The following TEP1 variants were observed in gnomAD, a reference collection of about 807,000 sequenced individuals.
TEP1 encodes telomerase protein component 1.
TEP1 carries 241 observed loss-of-function variants against 306.3 expected under a neutral mutation model. The ratio of observed to expected loss-of-function variants is 0.79; its 90% confidence interval spans 0.71 to 0.88. The LOEUF is 0.88. TEP1 is among the 40% of genes least tolerant of loss of function. The pLI, the probability that TEP1 is intolerant of heterozygous loss-of-function variation, is 0.00. For synonymous variants in TEP1, 1,289 were observed against 1,305.5 expected, an observed-to-expected ratio of 0.99 and a Z score of 0.27; for missense variants, 3,051 against 3,276.1, an observed-to-expected ratio of 0.93 and a Z score of 1.68.
In TEP1 at chr14:20,408,465, TAGA is replaced by T. The variant is rs776093131; in HGVS notation, c.-24-5_-24-3del. ...GGCTGAAACTCAGCTTGTATATGCCTAGAAGGAGAGAAAGACAGGAGATGAGCA... is the reference window on the plus strand; with the variant it reads ...GGCTGAAACTCAGCTTGTATATGCCTAGGAGAGAAAGACAGGAGATGAGCA... On this transcript the variant is annotated splice_polypyrimidine_tract_variant and splice_region_variant and intron_variant, in intron 1 of 54. Transcript: ENST00000262715. 18 of 1,595,678 alleles carry T rather than the reference TAGA, an allele frequency of 1.1e-5. 1 individual carries two copies. The South Asian group carries it at 1.2e-4, about 11-fold the overall frequency.
At chr14:20,398,234 C>T (rs1365647123) in intron 9 of TEP1, among the ~76,000 whole-genome samples, 7 of 151,628 alleles carry the variant, frequency 4.6e-5, no homozygotes, top group African/African-American at 7.3e-5. Context: ...AAAAATTAGC[C>T]GGGCGTGGTG....
rs770439241 is a variant in TEP1, at chr14:20,384,267, C to T, written c.3340-35G>A. 6 of 1,609,690 alleles carry T rather than the reference C, an allele frequency of 3.7e-6. No individual in the cohort carries two copies. In the African/African-American group the frequency reaches 8.0e-5, roughly 22 times the overall value. ...AATGGGTCAGTGACTATCCATGGTG[C>T]CATGCTCCTCAGCACTCCCAGGCTA... On this transcript the variant is annotated intron_variant, in intron 23 of 54. Coordinates refer to ENST00000262715, the MANE Select transcript of TEP1 (RefSeq NM_007110.5).
chr14:20,384,021 C>T lies in TEP1; in HGVS notation c.3534+17G>A. ...CAGCCTTCCCTCCCTCCTGCCCAGGCCCCTGAGACTCTGTACCAGGAAGGC... is the reference window on the plus strand; with the variant it reads ...CAGCCTTCCCTCCCTCCTGCCCAGGTCCCTGAGACTCTGTACCAGGAAGGC... On this transcript the variant is annotated intron_variant, in intron 24 of 54. Transcript: ENST00000262715. The T allele has an allele frequency of 6.3e-7, 1 of 1,591,840 alleles. No individual in the cohort carries two copies. The highest frequency in any genetic ancestry group is 8.6e-7 in the Non-Finnish European group (1 of 1,168,688).
chr14:20,391,159 C>G, intron 13 of TEP1, 63 bp from the exon 14 acceptor site: 1 of 1,572,520 alleles, frequency 6.4e-7, no homozygotes, highest in Non-Finnish European at 8.7e-7. Flanking sequence ...CTTGCCCAGC[C>G]AGCCCTGGAG....
chr14:20,386,594 G>T lies in TEP1; in HGVS notation c.2714C>A (p.Ser905Tyr), dbSNP rs371241934. 1.2e-5 allele frequency: 19 copies of T among 1,606,704 alleles called. No homozygotes were observed. Among genetic ancestry groups the T allele is most frequent in the Non-Finnish European group, 1.6e-5 (19 of 1,174,872 alleles). ...GWRSIRLFIS[S>Y]TFRDMHGERD... ...CTCCCCATGCATGTCTCGGAAAGTG[G>T]ATGAAATGAAAAGCCGGATGCTGCG... Residue 905 changes from serine to tyrosine, a missense_variant, in exon 19 of 55, where the codon TCC becomes TAC. Physicochemically the swap from Ser to Tyr is moderately radical, Grantham distance 144. Coordinates refer to ENST00000262715, the MANE Select transcript of TEP1 (RefSeq NM_007110.5).
rs370150728 is a variant in TEP1, at chr14:20,378,180, C to T, written c.5565G>A (p.Gly1855=). 24 of 1,613,808 alleles carry T rather than the reference C, an allele frequency of 1.5e-5. No homozygotes were observed. The highest frequency in any genetic ancestry group is 1.8e-5 in the Non-Finnish European group (21 of 1,180,044). ...TGTCCAGCCGGCCCACAGCCACAAC[C>T]CCCCCAGGCACATTGAAGGCCAAGG... The part of the protein sequence containing the change: ...IRTLAFNVPG[G]VVAVGRLDSM... The change falls in exon 39 of 55, where the codon GGG becomes GGA. Residue 1855 remains glycine (G), a synonymous_variant. Coordinates refer to ENST00000262715, the MANE Select transcript of TEP1 (RefSeq NM_007110.5).
At chr14:20,399,172 C>A (rs796596338) in intron 9 of TEP1, among the ~76,000 whole-genome samples, 1 of 152,296 alleles carries the variant, frequency 6.6e-6, no homozygotes, top group African/African-American at 2.4e-5. Context: ...GGATTACAGG[C>A]GTGAGCCATG....
chr14:20,383,254 C>T lies in TEP1; in HGVS notation c.3967G>A (p.Ala1323Thr), dbSNP rs765605601. 8.7e-6 allele frequency: 14 copies of T among 1,613,880 alleles called. 1 individual carries two copies. The Admixed American group carries it at 1.0e-4, about 12-fold the overall frequency. ...AHVLALGPLE[A>T]SARARLVREE... Reference sequence around the variant, plus strand: ...CTCACCAGCCGGGCCCGAGCAGAGGCCTCCAGAGGCCCCAAGGCCAGCACG... The same window carrying T: ...CTCACCAGCCGGGCCCGAGCAGAGGTCTCCAGAGGCCCCAAGGCCAGCACG... Residue 1323 changes from alanine (A) to threonine (T), a missense_variant, in exon 27 of 55, where the codon GCC becomes ACC. Ala to Thr is a moderately conservative substitution (Grantham distance 58). This residue lies in a region of TEP1 where 1,540 missense variants were observed against 1,705.9 expected (regional missense o/e 0.90). Transcript: ENST00000262715.
chr14:20,403,159 C>CAAAA (rs61465318), intron 7 of TEP1, among the ~76,000 whole-genome samples: 2 of 83,212 alleles, frequency 2.4e-5, no homozygotes, highest in Non-Finnish European at 2.4e-5. Context: ...AACTTCATCT[C>CAAAA]AAAAAAAAAA....
chr14:20,369,977 G>C (rs1471697182), intron 51 of TEP1, among the ~76,000 whole-genome samples, 198 bp from the exon 52 acceptor site: 1 of 148,828 alleles, frequency 6.7e-6, no homozygotes, highest in Non-Finnish European at 1.5e-5. Context: ...GCAGTGGCGT[G>C]ATCTCGGTTC....
intron 10 of TEP1, 94 bp downstream of exon 10, chr14:20,396,527 C>A: frequency 9.8e-7 from 1 of 1,024,400 alleles, no homozygotes; most frequent in South Asian, 1.6e-5. Flanking sequence ...CCTGCCTCTG[C>A]CCCCTGAAAA....
rs200627369 is a variant in TEP1, at chr14:20,391,701, G to A, written c.1995C>T (p.Leu665=). 3 of 1,614,126 alleles carry A rather than the reference G, an allele frequency of 1.9e-6. No homozygotes were observed. The highest frequency in any genetic ancestry group is 2.5e-6 in the Non-Finnish European group (3 of 1,180,046). The change falls in exon 13 of 55, where the codon CTC becomes CTT. Residue 665 remains leucine, a synonymous_variant. Coordinates refer to ENST00000262715, the MANE Select transcript of TEP1 (RefSeq NM_007110.5). ...YRQALETAVN[L]SVKHSLPLLP... ...GCAGGGGCAGGCTGTGCTTCACAGAGAGGTTCACAGCTGTCTCTAGGGCCT... is the reference window on the plus strand; with the variant it reads ...GCAGGGGCAGGCTGTGCTTCACAGAAAGGTTCACAGCTGTCTCTAGGGCCT...
chr14:20,375,096 CAAA>C (rs1278388248), intron 43 of TEP1, among the ~76,000 whole-genome samples: 1 of 67,674 alleles, frequency 1.5e-5, no homozygotes. Context: ...TGTCTCAAAA[CAAA>C]AAAAAAAAAA....
rs757119391 is a variant in TEP1, at chr14:20,373,124, AACTCCTTGGTAT to A, written c.6826_6837del (p.Ile2276_Ser2279del). On this transcript the variant is annotated inframe_deletion, in exon 48 of 55. Coordinates refer to ENST00000262715, the MANE Select transcript of TEP1 (RefSeq NM_007110.5). ...CAAGCCACAGCAGTGACGGCTGCAG[AACTCCTTGGTAT>A]ACATGTGTCATCTGGAGGAGAAAGG... 1 of 1,614,216 alleles carries A rather than the reference AACTCCTTGGTAT, an allele frequency of 6.2e-7. No individual in the cohort carries two copies. The highest frequency in any genetic ancestry group is 1.7e-5 in the Admixed American group (1 of 60,028).
chr14:20,384,808 C>A (rs1276089899), intron 21 of TEP1, 95 bp from the exon 22 acceptor site: 1 of 1,488,578 alleles, frequency 6.7e-7, no homozygotes, highest in Non-Finnish European at 9.2e-7. Context: ...TCCTGAAGCT[C>A]CTCAAGTAGA....
intron 43 of TEP1, 40 bp from the exon 44 acceptor site, chr14:20,374,576 C>T: frequency 6.7e-7 from 1 of 1,484,232 alleles, no homozygotes; most frequent in South Asian, 1.2e-5. Context: ...TTATCAGCAT[C>T]CCTCCAGCAT....
At position 20,384,138 on chromosome 14, in the gene TEP1, C is replaced by G. The variant is rs747328928; in HGVS notation, c.3434G>C (p.Arg1145Pro). 1 of 1,614,132 alleles carries G rather than the reference C, an allele frequency of 6.2e-7. No individual in the cohort carries two copies. Among genetic ancestry groups the G allele is most frequent in the Non-Finnish European group, 8.5e-7 (1 of 1,180,020 alleles). ...CACTGTGTCCTGAAGAAGGCGTGGC[C>G]GGGCAGGACTCGGTGGCTTCTGCAG... ...QQLQKPPSPA[R>P]PRLLQDTVQR... Residue 1145 changes from arginine (R) to proline (P), a missense_variant, in exon 24 of 55, where the codon CGG (arginine) becomes CCG (proline). Arg to Pro is a moderately radical substitution (Grantham distance 103, BLOSUM62 -2). Coordinates refer to ENST00000262715, the MANE Select transcript of TEP1 (RefSeq NM_007110.5).
rs749829957 is a variant in TEP1 at position 20,378,263 on chromosome 14, G to A, written c.5509-27C>T. 29 of 1,613,120 alleles carry A rather than the reference G, an allele frequency of 1.8e-5. No homozygotes were observed. The Admixed American group carries it at 2.3e-4, about 13-fold the overall frequency. ...TACACAGGGAGGTAGAAATGGAAAC[G>A]TGAAGACCTGCTCTCAGCAAAATCT... On this transcript the variant is annotated intron_variant, in intron 38 of 54. Coordinates refer to ENST00000262715, the MANE Select transcript of TEP1 (RefSeq NM_007110.5).
rs552665582 is a variant in TEP1, at chr14:20,378,741, C to A, written c.5352+13G>T. 5.0e-6 allele frequency: 8 copies of A among 1,613,564 alleles called. No individual in the cohort carries two copies. The highest frequency in any genetic ancestry group is 3.3e-5 in the Admixed American group (2 of 60,020). On this transcript the variant is annotated intron_variant, in intron 37 of 54. Transcript: ENST00000262715. ...TCAGGGCCACTCTGACCACTGCAGA[C>A]CCCAAGTCTTACCTTTAGGCATCCT...
Sources: allele counts gnomAD v4.1 joint callset (sites outside exome capture counted in the v4.1 genomes callset), GRCh38; gene constraint gnomAD v4.1.1; regional missense constraint gnomAD v4.1.1; transcripts MANE v1.5; gene names NCBI Gene and HGNC (gene_info 2026-07-23, HGNC 2026-07-21).